MAGEA1: variants seen among roughly 807,000 people sequenced by gnomAD.
MAGEA1 encodes the protein MAGE family member A1.
For missense variants in MAGEA1, 182 were observed against 233.7 expected (o/e 0.78, Z 1.44); for synonymous variants, 101 against 96.7 (o/e 1.04, Z -0.26).
chrX:153,182,630 A>C lies in MAGEA1; in HGVS notation c.241A>C (p.Ser81Arg). 8.3e-7 allele frequency: 1 copy of C among 1,211,859 alleles called. No individual in the cohort carries two copies. Among genetic ancestry groups the C allele is most frequent in the South Asian group, 1.8e-5 (1 of 56,984 alleles). The change falls in exon 3 of 3, where the codon AGC (serine) becomes CGC (arginine). Residue 81 changes from serine (S) to arginine (R), a missense_variant. Coordinates refer to ENST00000356661, the MANE Select transcript of MAGEA1 (RefSeq NM_004988.5). ...ACAGAGGCAACCCAGTGAGGGTTCC[A>C]GCAGCCGTGAAGAGGAGGGGCCAAG... Reference protein sequence around the residue: ...TRQRQPSEGSSSREEEGPSTS... With the variant: ...TRQRQPSEGSRSREEEGPSTS...
chrX:153,181,775 C>T (rs934724165), intron 1 of MAGEA1, among the ~76,000 whole-genome samples: 2 of 111,625 alleles, frequency 1.8e-5, no homozygotes, highest in African/African-American at 3.3e-5. Context: ...GGATCCAGGC[C>T]CTGCCAGGAA....
In MAGEA1 at chrX:153,182,545, A is replaced by G. The variant is rs782699982; in HGVS notation, c.156A>G (p.Thr52=). The G allele has an allele frequency of 1.5e-5, 18 of 1,209,769 alleles. No homozygotes were observed. Among genetic ancestry groups the G allele is most frequent in the African/African-American group, 8.8e-5 (5 of 57,039 alleles). Residue 52 remains threonine (T), a synonymous_variant, in exon 3 of 3, where the codon ACA becomes ACG. Coordinates refer to ENST00000356661, the MANE Select transcript of MAGEA1 (RefSeq NM_004988.5). ...AGGAGGTGCCCACTGCTGGGTCAAC[A>G]GATCCTCCCCAGAGTCCTCAGGGAG... ...TLEEVPTAGS[T]DPPQSPQGAS... is the part of the protein sequence containing the mutation.
At chrX:153,181,474 G>A (rs2051492980) in intron 1 of MAGEA1, among the ~76,000 whole-genome samples, 1 of 111,663 alleles carries the variant, frequency 9.0e-6, no homozygotes, top group African/African-American at 3.3e-5. Flanking sequence ...CGTCTGCCGA[G>A]GTCCTTCCGT....
chrX:153,180,777 G>A (rs973049942), intron 1 of MAGEA1, among the ~76,000 whole-genome samples: 1 of 110,046 alleles, frequency 9.1e-6, no homozygotes, highest in African/African-American at 3.3e-5. Context: ...TCCAGGGCAC[G>A]GTGGCCACAT....
chrX:153,183,367 C>A lies in MAGEA1; in HGVS notation c.*48C>A, dbSNP rs1385364137. On this transcript the variant is annotated 3_prime_UTR_variant, in exon 3 of 3. Transcript: ENST00000356661. The stretch of plus-strand genomic sequence containing the variant: ...GTGGGAGGGGGACTGGGCCAGTGCA[C>A]CTTCCAGGGCCGCGTCCAGCAGCTT... The A allele has an allele frequency of 2.7e-6, 3 of 1,125,992 alleles. No homozygotes were observed. The African/African-American group carries it at 5.4e-5, about 20-fold the overall frequency. 92.8% of individuals were successfully genotyped at this position (1,125,992 alleles called of 1,213,427 possible). A position where few individuals can be genotyped will look rare whatever the true frequency, so the allele number is the denominator to read the frequency against.
Position 153,182,858 on chromosome X carries a change from A to G in MAGEA1, c.469A>G (p.Ile157Val). 8.3e-7 allele frequency: 1 copy of G among 1,211,884 alleles called. No individual in the cohort carries two copies. The highest frequency in any genetic ancestry group is 1.1e-6 in the Non-Finnish European group (1 of 895,523). The change falls in exon 3 of 3, where the codon ATT becomes GTT. Residue 157 changes from isoleucine (I) to valine (V), a missense_variant. Transcript: ENST00000356661. ...TGAGTCCTTGCAGCTGGTCTTTGGC[A>G]TTGACGTGAAGGAAGCAGACCCCAC... ...ASESLQLVFG[I>V]DVKEADPTGH...
At chrX:153,182,092 G>T in intron 1 of MAGEA1, 85 bp from the exon 2 acceptor site, 1 of 403,518 alleles carries the variant, frequency 2.5e-6, no homozygotes, top group South Asian at 3.1e-5. Context: ...CACAGAGTCT[G>T]GCCTCACCTC....
At chrX:153,181,920 G>A (rs782246283) in intron 1 of MAGEA1, among the ~76,000 whole-genome samples, 8 of 111,206 alleles carry the variant, frequency 7.2e-5, no homozygotes, top group Non-Finnish European at 1.3e-4. Flanking sequence ...CTGAGGGCCC[G>A]TGGATTCCTC....
Position 153,182,362 on chromosome X carries a change from C to T in MAGEA1, c.-28C>T, listed in dbSNP as rs2051498799. 1 of 1,184,610 alleles carries T rather than the reference C, an allele frequency of 8.4e-7. No homozygotes were observed. The highest frequency in any genetic ancestry group is 2.2e-5 in the Admixed American group (1 of 45,842). ...TCATTGCCCAGCTCCTGCCCACACT[C>T]CTGCCTGCTGCCCTGACGAGAGTCA... is the stretch of plus-strand genomic sequence containing the variant. On this transcript the variant is annotated 5_prime_UTR_variant, in exon 3 of 3. Transcript: ENST00000356661.
Position 153,183,443 on chromosome X carries a change from C to T in MAGEA1, c.*124C>T, listed in dbSNP as rs2051507611. The T allele has an allele frequency of 3.2e-6, 2 of 616,092 alleles. No homozygotes were observed. Among genetic ancestry groups the T allele is most frequent in the Admixed American group, 6.2e-5 (2 of 32,356 alleles). 50.8% of individuals were successfully genotyped at this position (616,092 alleles called of 1,213,427 possible). A position where few individuals can be genotyped will look rare whatever the true frequency, so the allele number is the denominator to read the frequency against. On this transcript the variant is annotated 3_prime_UTR_variant, in exon 3 of 3. Transcript: ENST00000356661. ...CATTCTTCACTCTGAAGAGAGCGGT[C>T]AGTGTTCTCAGTAGTAGGTTTCTGT...
chrX:153,181,560 G>A (rs782305911), intron 1 of MAGEA1, among the ~76,000 whole-genome samples: 2 of 109,942 alleles, frequency 1.8e-5, no homozygotes, highest in East Asian at 2.9e-4. Context: ...TAGAGGGAGC[G>A]TCCCAGGCCC....
In MAGEA1 at chrX:153,182,557, G is replaced by T. The variant is rs2051501254; in HGVS notation, c.168G>T (p.Gln56His). 2 of 1,211,609 alleles carry T rather than the reference G, an allele frequency of 1.7e-6. No individual in the cohort carries two copies. The highest frequency in any genetic ancestry group is 3.5e-5 in the South Asian group (2 of 56,958). The change falls in exon 3 of 3, where the codon CAG becomes CAT. Residue 56 changes from glutamine (Q) to histidine (H), a missense_variant. Physicochemically the swap from Gln to His is conservative, Grantham distance 24 (BLOSUM62 0). Coordinates refer to ENST00000356661, the MANE Select transcript of MAGEA1 (RefSeq NM_004988.5). The stretch of plus-strand genomic sequence containing the variant: ...CTGCTGGGTCAACAGATCCTCCCCA[G>T]AGTCCTCAGGGAGCCTCCGCCTTTC... Reference protein sequence around the residue: ...VPTAGSTDPPQSPQGASAFPT... With the variant: ...VPTAGSTDPPHSPQGASAFPT...
At chrX:153,180,471 G>T (rs1328362440) in intron 1 of MAGEA1, among the ~76,000 whole-genome samples, 2 of 111,571 alleles carry the variant, frequency 1.8e-5, no homozygotes, top group African/African-American at 6.5e-5. Flanking sequence ...CAGGCACTCG[G>T]ATCTTGACGT....
In MAGEA1 at chrX:153,183,285, A is replaced by C; in HGVS notation, c.896A>C (p.Glu299Ala). The change falls in exon 3 of 3, where the codon GAA (glutamate) becomes GCA (alanine). Residue 299 changes from glutamate to alanine, a missense_variant. By Grantham distance (107) the Glu-to-Ala change is moderately radical (BLOSUM62 -1). Transcript: ENST00000356661. ...RVRFFFPSLR[E>A]AALREEEEGV ...CGCTTTTTCTTCCCATCCCTGCGTG[A>C]AGCAGCTTTGAGAGAGGAGGAAGAG... 1 of 1,210,679 alleles carries C rather than the reference A, an allele frequency of 8.3e-7. No homozygotes were observed. Among genetic ancestry groups the C allele is most frequent in the South Asian group, 1.8e-5 (1 of 56,683 alleles).
intron 1 of MAGEA1, among the ~76,000 whole-genome samples, chrX:153,180,996 AG>A (rs1423410822): frequency 2.7e-5 from 3 of 109,910 alleles, no homozygotes; most frequent in African/African-American, 1.0e-4. Flanking sequence ...GGACCAGATC[AG>A]GGATGGCGGT....
chrX:153,179,798 C>T (rs1235239098), intron 1 of MAGEA1, among the ~76,000 whole-genome samples: 4 of 107,798 alleles, frequency 3.7e-5, no homozygotes, highest in African/African-American at 1.4e-4. Context: ...AGCCCCAACC[C>T]TTCTGCCACC....
intron 1 of MAGEA1, among the ~76,000 whole-genome samples, chrX:153,180,798 T>C (rs1351519521): frequency 1.8e-5 from 2 of 111,121 alleles, no homozygotes; most frequent in Non-Finnish European, 3.8e-5. Flanking sequence ...ATGGCCCATA[T>C]TTCCTGCATC....
chrX:153,180,455 G>A (rs1056814004), intron 1 of MAGEA1, among the ~76,000 whole-genome samples: 75 of 111,523 alleles, frequency 6.7e-4, no homozygotes, highest in African/African-American at 2.4e-3. Flanking sequence ...CCACGGGAAT[G>A]GCGGCCAGGC....
rs138520182 is a variant in MAGEA1 at position 153,182,848 on chromosome X, G to T, written c.459G>T (p.Leu153=). The part of the protein sequence containing the change: ...IFGKASESLQ[L]VFGIDVKEAD... Reference sequence around the variant, plus strand: ...GCAAAGCCTCTGAGTCCTTGCAGCTGGTCTTTGGCATTGACGTGAAGGAAG... The same window carrying T: ...GCAAAGCCTCTGAGTCCTTGCAGCTTGTCTTTGGCATTGACGTGAAGGAAG... The change falls in exon 3 of 3, where the codon CTG becomes CTT. Residue 153 remains leucine (L), a synonymous_variant. Coordinates refer to ENST00000356661, the MANE Select transcript of MAGEA1 (RefSeq NM_004988.5). 5.8e-6 allele frequency: 7 copies of T among 1,211,827 alleles called. No individual in the cohort carries two copies. Among genetic ancestry groups the T allele is most frequent in the Non-Finnish European group, 7.8e-6 (7 of 895,481 alleles).
Sources: allele counts gnomAD v4.1 joint callset (sites outside exome capture counted in the v4.1 genomes callset), GRCh38; gene constraint gnomAD v4.1.1; transcripts MANE v1.5; gene names NCBI Gene and HGNC (gene_info 2026-07-23, HGNC 2026-07-21).